The following XKR6 variants were observed in gnomAD, a reference collection of about 807,000 sequenced individuals.
The protein encoded by XKR6 is XK related 6.
XKR6 carries 22 observed loss-of-function variants against 56.7 expected under a neutral mutation model. That is an observed-to-expected ratio of 0.39 (90% CI 0.28 to 0.55). The LOEUF is 0.55. Ranked by LOEUF, XKR6 falls within the 20% of genes least tolerant of loss-of-function variation. XKR6 has a pLI of 0.66. For missense variants in XKR6, 852 were observed against 889.0 expected, an observed-to-expected ratio of 0.96 and a Z score of 0.53; for synonymous variants, 524 against 387.8, an observed-to-expected ratio of 1.35 and a Z score of -4.13.
intron 1 of XKR6, among the ~76,000 whole-genome samples, chr8:11,063,862 C>T (rs1016245583): frequency 1.3e-5 from 2 of 152,230 alleles, no homozygotes; most frequent in Non-Finnish European, 2.9e-5. Flanking sequence ...GGCTACTCGA[C>T]ACTGGGATTT....
At chr8:10,995,232 C>T (rs927466207) in intron 1 of XKR6, among the ~76,000 whole-genome samples, 4 of 151,670 alleles carry the variant, frequency 2.6e-5, no homozygotes, top group East Asian at 1.9e-4. Flanking sequence ...TTTGGGGTGT[C>T]GGCTGGGCAT....
At chr8:10,923,367 T>G (rs565479566) in intron 2 of XKR6, among the ~76,000 whole-genome samples, 12 of 152,210 alleles carry the variant, frequency 7.9e-5, no homozygotes, top group Non-Finnish European at 1.5e-5. Context: ...CAGCCTCCAT[T>G]GAGGGCTGTT....
At chr8:11,086,072 C>G (rs1256011734) in intron 1 of XKR6, among the ~76,000 whole-genome samples, 2 of 151,680 alleles carry the variant, frequency 1.3e-5, no homozygotes, top group African/African-American at 4.9e-5. Flanking sequence ...GTCCCGCCAG[C>G]TGCCCACTTT....
intron 1 of XKR6, chr8:11,114,214 TAC>T (rs1412177033): frequency 1.2e-4 from 36 of 306,898 alleles, no homozygotes; most frequent in Non-Finnish European, 1.7e-4. Flanking sequence ...TACACATTTC[TAC>T]ACAGAGAATC....
intron 1 of XKR6, chr8:11,109,119 G>A (rs2409708): frequency 2.0e-5 from 3 of 152,276 alleles, no homozygotes; most frequent in East Asian, 1.9e-4. Flanking sequence ...ATACTGAAAC[G>A]CTTTTCTAGT....
chr8:10,976,292 C>T (rs1011740195), intron 1 of XKR6, among the ~76,000 whole-genome samples: 14 of 152,148 alleles, frequency 9.2e-5, no homozygotes, highest in Non-Finnish European at 1.8e-4. Flanking sequence ...AACAAGCCCA[C>T]CCAAGACCCC....
chr8:11,038,759 A>G (rs948771181), intron 1 of XKR6, among the ~76,000 whole-genome samples: 5 of 151,910 alleles, frequency 3.3e-5, no homozygotes, highest in Admixed American at 2.0e-4. Flanking sequence ...CAGGCTGGTC[A>G]AGGACTTCTA....
intron 1 of XKR6, among the ~76,000 whole-genome samples, chr8:11,054,504 C>T (rs1799632107): frequency 6.6e-6 from 1 of 152,198 alleles, no homozygotes; most frequent in Non-Finnish European, 1.5e-5. Flanking sequence ...CATGGGTGGG[C>T]ACAGAGTCCT....
chr8:10,996,859 T>A (rs1798124961), intron 1 of XKR6, among the ~76,000 whole-genome samples: 1 of 152,018 alleles, frequency 6.6e-6, no homozygotes, highest in African/African-American at 2.4e-5. Context: ...TCCCAGCAGC[T>A]CAGGAGGGTG....
chr8:11,057,010 C>A (rs1450340231), intron 1 of XKR6, among the ~76,000 whole-genome samples: 1 of 152,214 alleles, frequency 6.6e-6, no homozygotes, highest in Non-Finnish European at 1.5e-5. Flanking sequence ...TTGTCCTTGG[C>A]TGCCTGTCCA....
intron 1 of XKR6, among the ~76,000 whole-genome samples, chr8:10,984,158 G>A (rs761609137): frequency 2.0e-4 from 30 of 152,162 alleles, no homozygotes; most frequent in Non-Finnish European, 3.8e-4. Flanking sequence ...GGATGTATTA[G>A]AAAACCTATT....
At chr8:11,144,852 G>C (rs1316176558) in intron 1 of XKR6, among the ~76,000 whole-genome samples, 2 of 148,724 alleles carry the variant, frequency 1.3e-5, no homozygotes, top group African/African-American at 4.9e-5. Flanking sequence ...GAAGGGAAGG[G>C]AAGGGAGGGG....
At position 10,898,242 on chromosome 8, in the gene XKR6, C is replaced by T. The variant is rs745636478; in HGVS notation, c.1636G>A (p.Ala546Thr). 2 of 1,614,166 alleles carry T rather than the reference C, an allele frequency of 1.2e-6. No individual in the cohort carries two copies. The highest frequency in any genetic ancestry group is 8.5e-7 in the Non-Finnish European group (1 of 1,180,026). The part of the protein sequence containing the change: ...YRGTQVTPTR[A>T]VTEQQEDLTA... The stretch of plus-strand genomic sequence containing the variant: ...AGATCCTCCTGTTGTTCCGTTACGG[C>T]TCTGGTGGGCGTAACCTGGGTCCCC... Residue 546 changes from alanine (A) to threonine (T), a missense_variant, in exon 3 of 3, where the codon GCC (alanine) becomes ACC (threonine). Around this residue, in one of 4 missense-constraint regions of XKR6, gnomAD observed 197 missense variants for 190.9 expected, o/e 1.03. Coordinates refer to ENST00000416569, the MANE Select transcript of XKR6 (RefSeq NM_173683.4). This position sits in a 1 kb window ranked among gnomAD's most constrained non-coding sequence, Gnocchi z 6.6.
intron 1 of XKR6, among the ~76,000 whole-genome samples, chr8:10,966,484 C>T (rs10087882): frequency 0.12 from 17,943 of 151,990 alleles, 2,317 homozygotes; most frequent in African/African-American, 0.32. Context: ...CCATCCTAGC[C>T]AACATGGTGA....
intron 1 of XKR6, among the ~76,000 whole-genome samples, chr8:10,945,105 G>A (rs886568593): frequency 1.3e-5 from 2 of 152,140 alleles, no homozygotes; most frequent in African/African-American, 4.8e-5. Context: ...TCCACCCCAC[G>A]CCACCCAGCC....
At chr8:11,193,096 C>T (rs1025919805) in intron 1 of XKR6, among the ~76,000 whole-genome samples, 2 of 152,172 alleles carry the variant, frequency 1.3e-5, no homozygotes, top group African/African-American at 4.8e-5. Flanking sequence ...AATTATCAAC[C>T]CTACCTTTCC....
chr8:11,126,871 T>C (rs1799826443), intron 1 of XKR6, among the ~76,000 whole-genome samples: 1 of 152,144 alleles, frequency 6.6e-6, no homozygotes, highest in South Asian at 2.1e-4. Flanking sequence ...TGGAAACTGA[T>C]ATAAACCAAA....
intron 1 of XKR6, among the ~76,000 whole-genome samples, chr8:10,955,332 C>G (rs1172165607): frequency 6.6e-6 from 1 of 152,112 alleles, no homozygotes; most frequent in Admixed American, 6.5e-5. Flanking sequence ...GCCGACATGC[C>G]CAGCTAATTT....
At chr8:11,134,813 G>C (rs1018909977) in intron 1 of XKR6, among the ~76,000 whole-genome samples, 90 of 152,022 alleles carry the variant, frequency 5.9e-4, no homozygotes, top group African/African-American at 2.1e-3. Flanking sequence ...GCAAGAATTA[G>C]AAAAGGCCTA....
Sources: gnomAD v4.1 joint callset for allele counts (sites outside exome capture counted in the v4.1 genomes callset) on GRCh38, gnomAD v4.1.1 for gene constraint, gnomAD v4.1.1 regional missense constraint, Gnocchi (gnomAD v3.1) non-coding constraint, MANE v1.5 for transcripts, NCBI Gene and HGNC (gene_info 2026-07-23, HGNC 2026-07-21) for gene names.